RAB15: variants seen among roughly 807,000 people sequenced by gnomAD.
RAB15 encodes the protein ras-related protein Rab-15.
Under a neutral mutation model 31.8 loss-of-function variants are expected in RAB15, and 13 were observed. The observed-to-expected ratio is 0.41, with a 90% CI of 0.27 to 0.65. The LOEUF (loss-of-function observed/expected upper bound fraction) is 0.65, where lower values mean the gene tolerates loss of function less well. RAB15 is among the 30% of genes least tolerant of loss of function. The pLI is 0.32. For missense variants in RAB15, 220 were observed against 277.3 expected, an observed-to-expected ratio of 0.79 and a Z score of 1.47; for synonymous variants, 100 against 105.6, an observed-to-expected ratio of 0.95 and a Z score of 0.33.
chr14:64,949,744 GAAAGA>G (rs1044911439), intron 5 of RAB15, among the ~76,000 whole-genome samples: 4 of 147,210 alleles, frequency 2.7e-5, no homozygotes, highest in African/African-American at 7.5e-5. Context: ...AAAAAAGAAA[GAAAGA>G]AAAAAAAAAT....
chr14:64,966,477 T>G (rs1887143573), intron 1 of RAB15, among the ~76,000 whole-genome samples: 1 of 151,534 alleles, frequency 6.6e-6, no homozygotes, highest in Non-Finnish European at 1.5e-5. Flanking sequence ...GAGCCGAGAT[T>G]GTGCCACTGC....
Position 64,946,159 on chromosome 14 carries a change from C to T in RAB15, c.*2195G>A, listed in dbSNP as rs1174386475. 2 of 152,374 alleles carry T rather than the reference C, an allele frequency of 1.3e-5. No individual in the cohort carries two copies. The highest frequency in any genetic ancestry group is 4.8e-5 in the African/African-American group (2 of 41,454). The allele number at this position is 152,374 out of a possible 1,614,324, so 9.4% of individuals were successfully genotyped here. A position where few individuals can be genotyped will look rare whatever the true frequency, so the allele number is the denominator to read the frequency against. ...CCAGTCATGGCCCTTGTGGATAGGGCCTATCAGTCTATAGAATCCTGATTC... is the reference window on the plus strand; with the variant it reads ...CCAGTCATGGCCCTTGTGGATAGGGTCTATCAGTCTATAGAATCCTGATTC... On this transcript the variant is annotated 3_prime_UTR_variant, in exon 7 of 7. Transcript: ENST00000533601.
At chr14:64,967,429 G>A (rs8010241) in intron 1 of RAB15, among the ~76,000 whole-genome samples, 144,425 of 152,120 alleles carry the variant, frequency 0.95, 68,671 homozygotes, top group East Asian at 1. Context: ...TCTACAAAAC[G>A]TACAAACATT....
chr14:64,960,597 A>T (rs1156764247), intron 1 of RAB15, among the ~76,000 whole-genome samples: 1 of 150,652 alleles, frequency 6.6e-6, no homozygotes, highest in Non-Finnish European at 1.5e-5. Context: ...TTCTCAGAGA[A>T]TTTTTTTTTT....
Position 64,970,154 on chromosome 14 carries a change from C to T in RAB15, c.124+1799G>A, listed in dbSNP as rs557370200. Among the ~76,000 whole-genome samples the T allele has an allele frequency of 1.3e-5, 2 of 152,226 alleles. No individual in the cohort carries two copies. The highest frequency in any genetic ancestry group is 4.8e-5 in the African/African-American group (2 of 41,458). On this transcript the variant is annotated intron_variant, in intron 1 of 6. Coordinates refer to ENST00000533601, the MANE Select transcript of RAB15 (RefSeq NM_001308154.2). This position sits in a 1 kb window ranked among gnomAD's most constrained non-coding sequence, Gnocchi z 4.1. The stretch of plus-strand genomic sequence containing the variant: ...TCTTCAGGCCAAAGCCAGGGCCTCC[C>T]AGGCAGCCCACAGCTCTCTGGAGAT...
chr14:64,951,572 C>G lies in RAB15; in HGVS notation c.246+31G>C. ...AGCTGGGAGTGTGGGTGGCAGCTTC[C>G]CACTTTGAAACCCCCAATGTGGTGG... On this transcript the variant is annotated intron_variant, in intron 3 of 6. Coordinates refer to ENST00000533601, the MANE Select transcript of RAB15 (RefSeq NM_001308154.2). This position sits in a 1 kb window ranked among gnomAD's most constrained non-coding sequence, Gnocchi z 7.2. 6.2e-7 allele frequency: 1 copy of G among 1,606,108 alleles called. No individual in the cohort carries two copies.
At position 64,962,812 on chromosome 14, in the gene RAB15, A is replaced by T. The variant is rs375604653; in HGVS notation, c.124+9141T>A. Among the ~76,000 whole-genome samples, 301 of 152,298 alleles carry T rather than the reference A, an allele frequency of 2.0e-3. No homozygotes were observed. In the Middle Eastern group the frequency reaches 0.037, roughly 19 times the overall value. ...TCTCAGGTCTTGTGTGGACCCTCACATGTGCACCTGCATCTGTACTGTTTA... is the reference window on the plus strand; with the variant it reads ...TCTCAGGTCTTGTGTGGACCCTCACTTGTGCACCTGCATCTGTACTGTTTA... On this transcript the variant is annotated intron_variant, in intron 1 of 6. Coordinates refer to ENST00000533601, the MANE Select transcript of RAB15 (RefSeq NM_001308154.2). The surrounding 1 kb of genome is among the most constrained non-coding windows in gnomAD (Gnocchi z 4.2).
rs959111054 is a variant in RAB15 at position 64,966,256 on chromosome 14, G to A, written c.124+5697C>T. On this transcript the variant is annotated intron_variant, in intron 1 of 6. Coordinates refer to ENST00000533601, the MANE Select transcript of RAB15 (RefSeq NM_001308154.2). ...GCATGGCACCTGGCATGTAGTTGGTGTTCAGCAAATAGCGCCTGAACGACT... is the reference window on the plus strand; with the variant it reads ...GCATGGCACCTGGCATGTAGTTGGTATTCAGCAAATAGCGCCTGAACGACT... 4.6e-5 allele frequency among the ~76,000 whole-genome samples: 7 copies of A among 152,342 alleles called. No individual in the cohort carries two copies. In the South Asian group the frequency reaches 1.0e-3, roughly 23 times the overall value.
In RAB15 at chr14:64,950,319, A is replaced by C. The variant is rs1006475687; in HGVS notation, c.414+6T>G. On this transcript the variant is annotated splice_donor_region_variant and intron_variant, in intron 5 of 6. Transcript: ENST00000533601. The surrounding 1 kb of genome is among the most constrained non-coding windows in gnomAD (Gnocchi z 5.6). ...TGGGGTGGACTTGCCTTTTCCCTCCACTTACCTGCTGCCCTTGCTCTCTTC... is the reference window on the plus strand; with the variant it reads ...TGGGGTGGACTTGCCTTTTCCCTCCCCTTACCTGCTGCCCTTGCTCTCTTC... The C allele has an allele frequency of 1.5e-5, 24 of 1,612,892 alleles. No homozygotes were observed. Among genetic ancestry groups the C allele is most frequent in the Non-Finnish European group, 1.9e-5 (22 of 1,179,102 alleles).
chr14:64,949,323 A>G (rs1222671807), intron 5 of RAB15, among the ~76,000 whole-genome samples: 2 of 152,264 alleles, frequency 1.3e-5, no homozygotes, highest in Non-Finnish European at 2.9e-5. Context: ...TATATTTTAT[A>G]CCAAACAATC....
At position 64,971,491 on chromosome 14, in the gene RAB15, C is replaced by A. The variant is rs919493521; in HGVS notation, c.124+462G>T. 2.6e-5 allele frequency among the ~76,000 whole-genome samples: 4 copies of A among 152,120 alleles called. No homozygotes were observed. Among genetic ancestry groups the A allele is most frequent in the Non-Finnish European group, 5.9e-5 (4 of 68,000 alleles). On this transcript the variant is annotated intron_variant, in intron 1 of 6. Coordinates refer to ENST00000533601, the MANE Select transcript of RAB15 (RefSeq NM_001308154.2). This position sits in a 1 kb window ranked among gnomAD's most constrained non-coding sequence, Gnocchi z 4.1. ...GGCCCCTCCGTACGTCCTCTCTTCC[C>A]CCCCTCGCCCCCCGCCGGCTCCACC...
Position 64,971,951 on chromosome 14 carries a change from AC to A in RAB15, c.124+1del. ...GGGGCGCCCCGGGCCACCGCCCCTTACCGATGGTGGAGATGTGCGAGGAGTG... is the reference window on the plus strand; with the variant it reads ...GGGGCGCCCCGGGCCACCGCCCCTTACGATGGTGGAGATGTGCGAGGAGTG... On this transcript the variant is annotated splice_donor_variant, in intron 1 of 6. Coordinates refer to ENST00000533601, the MANE Select transcript of RAB15 (RefSeq NM_001308154.2). LOFTEE classifies it high-confidence loss of function. The surrounding 1 kb of genome is among the most constrained non-coding windows in gnomAD (Gnocchi z 4.1). The A allele has an allele frequency of 1.3e-6, 2 of 1,569,286 alleles. No homozygotes were observed. The highest frequency in any genetic ancestry group is 1.7e-6 in the Non-Finnish European group (2 of 1,157,960).
rs753445318 is a variant in RAB15, at chr14:64,951,613, C to T, written c.236G>A (p.Arg79Gln). The stretch of plus-strand genomic sequence containing the variant: ...AATGTGGTGGCTTACCTGGGCCCGC[C>T]GATAGTACTGCTTTGTGATGGTCTG... ...RYQTITKQYY[R>Q]RAQGIFLVYD... The change falls in exon 3 of 7, where the codon CGG becomes CAG. Residue 79 changes from arginine to glutamine, a missense_variant. Arg to Gln is a conservative substitution (Grantham distance 43). Transcript: ENST00000533601. The surrounding 1 kb of genome is among the most constrained non-coding windows in gnomAD (Gnocchi z 7.2). 1.2e-6 allele frequency: 2 copies of T among 1,614,168 alleles called. No individual in the cohort carries two copies. The highest frequency in any genetic ancestry group is 1.7e-6 in the Non-Finnish European group (2 of 1,180,022).
Position 64,948,256 on chromosome 14 carries a change from C to A in RAB15, c.*98G>T. ...CTACTGATACTCAATAGGGTCATCA[C>A]ACGAGAGGACAGCAGCAGGGCAAAG... is the stretch of plus-strand genomic sequence containing the variant. On this transcript the variant is annotated 3_prime_UTR_variant, in exon 7 of 7. Coordinates refer to ENST00000533601, the MANE Select transcript of RAB15 (RefSeq NM_001308154.2). The surrounding 1 kb of genome is among the most constrained non-coding windows in gnomAD (Gnocchi z 7.0). 7.7e-7 allele frequency: 1 copy of A among 1,298,472 alleles called. No individual in the cohort carries two copies. The highest frequency in any genetic ancestry group is 1.0e-6 in the Non-Finnish European group (1 of 977,314). The allele number at this position is 1,298,472 out of a possible 1,614,324, so 80.4% of individuals were successfully genotyped here.
Position 64,954,242 on chromosome 14 carries a change from A to T in RAB15, c.125-1671T>A, listed in dbSNP as rs1197632404. 6 of 985,166 alleles carry T rather than the reference A, an allele frequency of 6.1e-6. No individual in the cohort carries two copies. In the African/African-American group the frequency reaches 1.0e-4, roughly 17 times the overall value. 61.0% of individuals were successfully genotyped at this position (985,166 alleles called of 1,614,324 possible). ...ATGTGTGCAGAGAAAGAGTGAAGAG[A>T]AGGAGGGAGGAAGGGAGGAAGGAGA... On this transcript the variant is annotated intron_variant, in intron 1 of 6. Transcript: ENST00000533601. This position sits in a 1 kb window ranked among gnomAD's most constrained non-coding sequence, Gnocchi z 4.3.
intron 1 of RAB15, among the ~76,000 whole-genome samples, chr14:64,960,222 CGA>C (rs1409710445): frequency 6.6e-6 from 1 of 152,184 alleles, no homozygotes; most frequent in Non-Finnish European, 1.5e-5. Context: ...ATGCAGCAGG[CGA>C]GACACCCAGC....
In RAB15 at chr14:64,971,440, C is replaced by A. The variant is rs1055826737; in HGVS notation, c.124+513G>T. Among the ~76,000 whole-genome samples, 1 of 152,140 alleles carries A rather than the reference C, an allele frequency of 6.6e-6. No homozygotes were observed. The highest frequency in any genetic ancestry group is 1.9e-4 in the East Asian group (1 of 5,176). On this transcript the variant is annotated intron_variant, in intron 1 of 6. Transcript: ENST00000533601. This position sits in a 1 kb window ranked among gnomAD's most constrained non-coding sequence, Gnocchi z 4.1. ...CCCACCTTGCGGCTTACCTTCCCAA[C>A]TCTGCCCTGGAAACTCGATCCCTGT...
chr14:64,951,258 C>A lies in RAB15; in HGVS notation c.247-107G>T. On this transcript the variant is annotated intron_variant, in intron 3 of 6. Coordinates refer to ENST00000533601, the MANE Select transcript of RAB15 (RefSeq NM_001308154.2). The surrounding 1 kb of genome is among the most constrained non-coding windows in gnomAD (Gnocchi z 7.2). ...AGGTTGGGTCCCACTCTCCCATTCT[C>A]CCTGCTCAGCATCCAGAAATATCTC... 1 of 875,826 alleles carries A rather than the reference C, an allele frequency of 1.1e-6. No individual in the cohort carries two copies. Among genetic ancestry groups the A allele is most frequent in the Non-Finnish European group, 1.8e-6 (1 of 555,894 alleles). 54.3% of individuals were successfully genotyped at this position (875,826 alleles called of 1,614,324 possible).
chr14:64,957,727 A>G (rs936529854), intron 1 of RAB15, among the ~76,000 whole-genome samples: 2 of 152,116 alleles, frequency 1.3e-5, no homozygotes, highest in African/African-American at 4.8e-5. Context: ...CCCACAGCTG[A>G]GCTGGACTGG....
Sources: allele counts gnomAD v4.1 joint callset (sites outside exome capture counted in the v4.1 genomes callset), GRCh38; gene constraint gnomAD v4.1.1; non-coding constraint Gnocchi (gnomAD v3.1); transcripts MANE v1.5; gene names NCBI Gene and HGNC (gene_info 2026-07-23, HGNC 2026-07-21).